FTL: variants seen among roughly 807,000 people sequenced by gnomAD.
FTL encodes ferritin light chain.
Under a neutral mutation model 16.6 loss-of-function variants are expected in FTL, and 17 were observed. That is an observed-to-expected ratio of 1.02 (90% CI 0.70 to 1.53). FTL has a LOEUF of 1.53. Among genes scored for constraint, FTL ranks in the 40% most tolerant of loss-of-function variants. The probability of loss-of-function intolerance (pLI) is 0.00; values close to 1 mark genes in which losing one functional copy is unlikely to be tolerated. For missense variants in FTL, 186 were observed against 226.1 expected, an observed-to-expected ratio of 0.82 and a Z score of 1.14; for synonymous variants, 73 against 89.9, an observed-to-expected ratio of 0.81 and a Z score of 1.06.
chr19:48,966,434 C>A, intron 3 of FTL, 28 bp downstream of exon 3: 1 of 1,614,130 alleles, frequency 6.2e-7, no homozygotes, highest in Non-Finnish European at 8.5e-7. Context: ...CCATGGCTAC[C>A]CAACCATACC....
rs2122429714 is a variant in FTL, at chr19:48,965,338, T to C, written c.-170T>C. ...TTCGGCGGTCCCGCGGGTCTGTCTC[T>C]TGCTTCAACAGTGTTTGGACGGAAC... On this transcript the variant is annotated 5_prime_UTR_variant, in exon 1 of 4. Coordinates refer to ENST00000331825, the MANE Select transcript of FTL (RefSeq NM_000146.4). The C allele has an allele frequency of 3.0e-6, 2 of 666,568 alleles. No homozygotes were observed. The highest frequency in any genetic ancestry group is 5.5e-6 in the Non-Finnish European group (2 of 363,706). 41.3% of individuals were successfully genotyped at this position (666,568 alleles called of 1,614,324 possible). A position where few individuals can be genotyped will look rare whatever the true frequency, so the allele number is the denominator to read the frequency against.
At chr19:48,966,214 G>A in intron 2 of FTL, 67 bp from the exon 3 acceptor site, 2 of 1,610,274 alleles carry the variant, frequency 1.2e-6, no homozygotes, top group Non-Finnish European at 1.7e-6. Context: ...AACGACTCTT[G>A]GGAAATGTAG....
Position 48,965,719 on chromosome 19 carries a change from C to T in FTL, c.103-51C>T. ...GGTCGGGTAAACAGAGGGCGGAGTC[C>T]CCTTGGCCTCGCCTCCCGCTAACCA... On this transcript the variant is annotated intron_variant, in intron 1 of 3. Coordinates refer to ENST00000331825, the MANE Select transcript of FTL (RefSeq NM_000146.4). The T allele has an allele frequency of 1.9e-6, 3 of 1,613,052 alleles. No individual in the cohort carries two copies. In the South Asian group the frequency reaches 3.3e-5, roughly 18 times the overall value.
Position 48,966,726 on chromosome 19 carries a change from G to A in FTL, c.519G>A (p.Lys173=). 1 of 1,613,056 alleles carries A rather than the reference G, an allele frequency of 6.2e-7. No individual in the cohort carries two copies. Among genetic ancestry groups the A allele is most frequent in the Non-Finnish European group, 8.5e-7 (1 of 1,179,940 alleles). ...GEYLFERLTL[K]HD The stretch of plus-strand genomic sequence containing the variant: ...ATCTCTTCGAAAGGCTCACTCTCAA[G>A]CACGACTAAGAGCCTTCTGAGCCCA... Residue 173 remains lysine, a synonymous_variant, in exon 4 of 4, where the codon AAG becomes AAA. Coordinates refer to ENST00000331825, the MANE Select transcript of FTL (RefSeq NM_000146.4).
Position 48,966,632 on chromosome 19 carries a change from T to C in FTL, c.425T>C (p.Ile142Thr), listed in dbSNP as rs530889896. 6.2e-7 allele frequency: 1 copy of C among 1,614,046 alleles called. No homozygotes were observed. The highest frequency in any genetic ancestry group is 1.1e-5 in the South Asian group (1 of 91,078). ...THFLDEEVKL[I>T]KKMGDHLTNL... is the part of the protein sequence containing the mutation. The stretch of plus-strand genomic sequence containing the variant: ...TTCCTAGATGAGGAAGTGAAGCTTA[T>C]CAAGAAGATGGGTGACCACCTGACC... Residue 142 changes from isoleucine to threonine, a missense_variant, in exon 4 of 4, where the codon ATC (isoleucine) becomes ACC (threonine). Ile to Thr is a moderately conservative substitution (Grantham distance 89). Coordinates refer to ENST00000331825, the MANE Select transcript of FTL (RefSeq NM_000146.4).
In FTL at chr19:48,966,844, G is replaced by C. The variant is rs2038463636; in HGVS notation, c.*109G>C. ...GCAGCTTTCTTAACTATCCTAACAAGCCTTGGACCAAATGGAAATAAAGCT... is the reference window on the plus strand; with the variant it reads ...GCAGCTTTCTTAACTATCCTAACAACCCTTGGACCAAATGGAAATAAAGCT... On this transcript the variant is annotated 3_prime_UTR_variant, in exon 4 of 4. Coordinates refer to ENST00000331825, the MANE Select transcript of FTL (RefSeq NM_000146.4). The C allele has an allele frequency of 1.7e-6, 2 of 1,171,288 alleles. No individual in the cohort carries two copies. Among genetic ancestry groups the C allele is most frequent in the Admixed American group, 3.8e-5 (2 of 52,304 alleles). The allele number at this position is 1,171,288 out of a possible 1,614,324, so 72.6% of individuals were successfully genotyped here.
rs753342915 is a variant in FTL at position 48,966,670 on chromosome 19, C to T, written c.463C>T (p.Leu155=). 6.8e-6 allele frequency: 11 copies of T among 1,613,740 alleles called. No individual in the cohort carries two copies. Among genetic ancestry groups the T allele is most frequent in the Non-Finnish European group, 7.6e-6 (9 of 1,179,964 alleles). The change falls in exon 4 of 4, where the codon CTG becomes TTG. Residue 155 remains leucine (L), a synonymous_variant. Transcript: ENST00000331825. ...TGACCACCTGACCAACCTCCACAGG[C>T]TGGGTGGCCCGGAGGCTGGGCTGGG... is the stretch of plus-strand genomic sequence containing the variant. ...MGDHLTNLHR[L]GGPEAGLGEY...
At position 48,966,753 on chromosome 19, in the gene FTL, C is replaced by T. The variant is rs764635265; in HGVS notation, c.*18C>T. On this transcript the variant is annotated 3_prime_UTR_variant, in exon 4 of 4. Coordinates refer to ENST00000331825, the MANE Select transcript of FTL (RefSeq NM_000146.4). ...ACGACTAAGAGCCTTCTGAGCCCAGCGACTTCTGAAGGGCCCCTTGCAAAG... is the reference window on the plus strand; with the variant it reads ...ACGACTAAGAGCCTTCTGAGCCCAGTGACTTCTGAAGGGCCCCTTGCAAAG... 27 of 1,611,986 alleles carry T rather than the reference C, an allele frequency of 1.7e-5. No individual in the cohort carries two copies. The highest frequency in any genetic ancestry group is 1.2e-4 in the Admixed American group (7 of 59,992).
intron 2 of FTL, 75 bp from the exon 3 acceptor site, chr19:48,966,206 C>T (rs2038452179): frequency 1.2e-6 from 2 of 1,601,118 alleles, no homozygotes; most frequent in Non-Finnish European, 1.7e-6. Flanking sequence ...TGACCCCCAA[C>T]GACTCTTGGG....
rs939447629 is a variant in FTL at position 48,966,661 on chromosome 19, C to T, written c.454C>T (p.Leu152Phe). 1.2e-6 allele frequency: 2 copies of T among 1,613,936 alleles called. No homozygotes were observed. The highest frequency in any genetic ancestry group is 1.7e-6 in the Non-Finnish European group (2 of 1,179,972). ...IKKMGDHLTNLHRLGGPEAGL... is the reference protein window; with the variant it reads ...IKKMGDHLTNFHRLGGPEAGL... ...GAAGATGGGTGACCACCTGACCAACCTCCACAGGCTGGGTGGCCCGGAGGC... is the reference window on the plus strand; with the variant it reads ...GAAGATGGGTGACCACCTGACCAACTTCCACAGGCTGGGTGGCCCGGAGGC... Residue 152 changes from leucine (L) to phenylalanine (F), a missense_variant, in exon 4 of 4, where the codon CTC becomes TTC. Leu to Phe is a conservative substitution (Grantham distance 22, BLOSUM62 0). Transcript: ENST00000331825.
chr19:48,965,654 C>CA (rs1568612271), intron 1 of FTL, 45 bp downstream of exon 1: 1 of 1,599,652 alleles, frequency 6.3e-7, no homozygotes, highest in Non-Finnish European at 8.6e-7. Context: ...TCCAGCTGCG[C>CA]ACCTCCGGCC....
In FTL at chr19:48,966,023, G is replaced by T. The variant is rs1400562520; in HGVS notation, c.249+107G>T. 7.0e-6 allele frequency: 10 copies of T among 1,425,802 alleles called. No homozygotes were observed. The East Asian group carries it at 1.7e-4, about 24-fold the overall frequency. The allele number at this position is 1,425,802 out of a possible 1,614,324, so 88.3% of individuals were successfully genotyped here. On this transcript the variant is annotated intron_variant, in intron 2 of 3. Transcript: ENST00000331825. ...CGTGGGCTTCTGGGAGATTGAGTTC[G>T]GTCTTGTGAGCCCTCTTAACCGCTG...
chr19:48,966,244 G>GT, intron 2 of FTL, 37 bp from the exon 3 acceptor site: 1 of 1,613,648 alleles, frequency 6.2e-7, no homozygotes, highest in Non-Finnish European at 8.5e-7. Context: ...TATGTGCCGA[G>GT]TGTGTGTATT....
Position 48,966,597 on chromosome 19 carries a change from G to A in FTL, c.390G>A (p.Leu130=). The change falls in exon 4 of 4, where the codon CTG becomes CTA. Residue 130 remains leucine, a synonymous_variant. Transcript: ENST00000331825. ...TTCTCTCTCAGCTCTGTGACTTCCT[G>A]GAGACTCACTTCCTAGATGAGGAAG... ...ARTDPHLCDF[L]ETHFLDEEVK... 6.2e-7 allele frequency: 1 copy of A among 1,614,062 alleles called. No individual in the cohort carries two copies. The highest frequency in any genetic ancestry group is 1.1e-5 in the South Asian group (1 of 91,076).
At chr19:48,965,684 T>G in intron 1 of FTL, 75 bp downstream of exon 1, 2 of 1,608,018 alleles carry the variant, frequency 1.2e-6, no homozygotes, top group East Asian at 4.5e-5. Context: ...CGCGCCAGCC[T>G]TCTTTGTGCG....
At chr19:48,966,148 G>A (rs956319487) in intron 2 of FTL, 133 bp from the exon 3 acceptor site, 37 of 1,378,104 alleles carry the variant, frequency 2.7e-5, no homozygotes, top group Non-Finnish European at 4.1e-6. Context: ...GACAGGGTGC[G>A]GAGAGTGATA....
chr19:48,966,759 C>T lies in FTL; in HGVS notation c.*24C>T, dbSNP rs368083362. On this transcript the variant is annotated 3_prime_UTR_variant, in exon 4 of 4. Coordinates refer to ENST00000331825, the MANE Select transcript of FTL (RefSeq NM_000146.4). ...AAGAGCCTTCTGAGCCCAGCGACTT[C>T]TGAAGGGCCCCTTGCAAAGTAATAG... 1.8e-4 allele frequency: 284 copies of T among 1,611,902 alleles called. 1 individual carries two copies. The South Asian group carries it at 2.7e-3, about 15-fold the overall frequency.
At position 48,966,666 on chromosome 19, in the gene FTL, C is replaced by CAGGCTGGGTGGCCCGGAGGCT; in HGVS notation, c.460_480dup (p.Arg154_Ala160dup). On this transcript the variant is annotated inframe_insertion, in exon 4 of 4. Transcript: ENST00000331825. The stretch of plus-strand genomic sequence containing the variant: ...TGGGTGACCACCTGACCAACCTCCA[C>CAGGCTGGGTGGCCCGGAGGCT]AGGCTGGGTGGCCCGGAGGCTGGGC... The CAGGCTGGGTGGCCCGGAGGCT allele has an allele frequency of 6.2e-7, 1 of 1,613,868 alleles. No homozygotes were observed.
At chr19:48,966,108 G>A in intron 2 of FTL, 173 bp from the exon 3 acceptor site, 1 of 1,209,280 alleles carries the variant, frequency 8.3e-7, no homozygotes, top group East Asian at 2.4e-5. Context: ...CCGCTGCGTG[G>A]TCTTAGGGAC....
Sources: gnomAD v4.1 joint callset for allele counts on GRCh38, gnomAD v4.1.1 for gene constraint, MANE v1.5 for transcripts, NCBI Gene and HGNC (gene_info 2026-07-23, HGNC 2026-07-21) for gene names.